The following PCLO variants were observed in gnomAD, a reference collection of about 807,000 sequenced individuals.
PCLO encodes the protein protein piccolo.
PCLO carries 82 observed loss-of-function variants against 427.5 expected under a neutral mutation model. The observed-to-expected ratio is 0.19, with a 90% CI of 0.16 to 0.23. The LOEUF (loss-of-function observed/expected upper bound fraction) is 0.23, where lower values mean the gene tolerates loss of function less well. PCLO is among the 10% of genes least tolerant of loss of function. The pLI is 1.00. For missense variants in PCLO, 6,239 were observed against 6,115.9 expected (o/e 1.02, Z -0.67); for synonymous variants, 2,357 against 2,155.4 (o/e 1.09, Z -2.59).
chr7:83,013,646 T>A (rs1343093232), intron 3 of PCLO, among the ~76,000 whole-genome samples: 1 of 152,146 alleles, frequency 6.6e-6, no homozygotes, highest in Non-Finnish European at 1.5e-5. Flanking sequence ...CCCTGAAACT[T>A]CAGTTGGGTT....
chr7:82,904,927 A>T (rs1794149103), intron 8 of PCLO, among the ~76,000 whole-genome samples: 1 of 152,072 alleles, frequency 6.6e-6, no homozygotes, highest in South Asian at 2.1e-4. Flanking sequence ...AAGCTGCCAT[A>T]ATTATGATCA....
rs368623048 is a variant in PCLO, at chr7:82,760,774, C to G, written c.15153G>C (p.Val5051=). The change falls in exon 24 of 25, where the codon GTG becomes GTC. Residue 5051 remains valine (V), a synonymous_variant. Transcript: ENST00000333891. ...TAGAAATATTCATCACATATATTTTCACATATAAATCTGAAAATAAGAATT... is the reference window on the plus strand; with the variant it reads ...TAGAAATATTCATCACATATATTTTGACATATAAATCTGAAAATAAGAATT... ...KSPDHLPDLY[V]KIYVMNISTQ... 2 of 1,446,758 alleles carry G rather than the reference C, an allele frequency of 1.4e-6. No individual in the cohort carries two copies. Among genetic ancestry groups the G allele is most frequent in the South Asian group, 2.5e-5 (2 of 81,152 alleles). The allele number at this position is 1,446,758 out of a possible 1,614,324, so 89.6% of individuals were successfully genotyped here. A position where few individuals can be genotyped will look rare whatever the true frequency, so the allele number is the denominator to read the frequency against.
rs766820629 is a variant in PCLO at position 83,154,751 on chromosome 7, C to T, written c.1890G>A (p.Thr630=). The change falls in exon 2 of 25, where the codon ACG becomes ACA. Residue 630 remains threonine, a synonymous_variant. Coordinates refer to ENST00000333891, the MANE Select transcript of PCLO (RefSeq NM_033026.6). ...LCGFNPNPHL[T]EVKEWLCLNC... ...CTCAGTGAATAAATGCACTTACCTC[C>T]GTTAAATGAGGATTGGGATTAAAAC... is the stretch of plus-strand genomic sequence containing the variant. 112 of 1,610,772 alleles carry T rather than the reference C, an allele frequency of 7.0e-5. No homozygotes were observed. Among genetic ancestry groups the T allele is most frequent in the African/African-American group, 1.7e-4 (13 of 74,828 alleles).
At chr7:82,882,673 T>C (rs2116063648) in intron 9 of PCLO, among the ~76,000 whole-genome samples, 1 of 152,222 alleles carries the variant, frequency 6.6e-6, no homozygotes, top group South Asian at 2.1e-4. Flanking sequence ...AGAAATTCAA[T>C]GATAAAAGTG....
At chr7:82,997,320 C>T (rs1272311371) in intron 3 of PCLO, among the ~76,000 whole-genome samples, 1 of 151,860 alleles carries the variant, frequency 6.6e-6, no homozygotes, top group East Asian at 1.9e-4. Context: ...CCAGACTAAA[C>T]CTAAAGCTAT....
At position 82,912,753 on chromosome 7, in the gene PCLO, A is replaced by T. The variant is rs149717761; in HGVS notation, c.13300+1933T>A. Among the ~76,000 whole-genome samples the T allele has an allele frequency of 7.3e-3, 1,116 of 152,128 alleles. 29 individuals are homozygous for T. Among genetic ancestry groups the T allele is most frequent in the East Asian group, 0.053 (274 of 5,170 alleles). Reference sequence around the variant, plus strand: ...TAAAAGGGAAATAGAATATTCTGTTATTTTTATATGGCTCTACATATATGT... The same window carrying T: ...TAAAAGGGAAATAGAATATTCTGTTTTTTTTATATGGCTCTACATATATGT... On this transcript the variant is annotated intron_variant, in intron 7 of 24. Coordinates refer to ENST00000333891, the MANE Select transcript of PCLO (RefSeq NM_033026.6).
At chr7:82,811,069 G>A (rs1472769085) in intron 20 of PCLO, among the ~76,000 whole-genome samples, 1 of 151,542 alleles carries the variant, frequency 6.6e-6, no homozygotes, top group East Asian at 1.9e-4. Flanking sequence ...AATATTCTGA[G>A]GAGTAATTTA....
intron 3 of PCLO, among the ~76,000 whole-genome samples, chr7:82,976,015 AG>A (rs1484255240): frequency 6.6e-6 from 1 of 152,202 alleles, no homozygotes; most frequent in Non-Finnish European, 1.5e-5. Context: ...TCTTCATAGC[AG>A]TGTGAAACTG....
intron 10 of PCLO, among the ~76,000 whole-genome samples, chr7:82,869,564 C>T (rs925341800): frequency 2.6e-5 from 4 of 151,956 alleles, no homozygotes; most frequent in Non-Finnish European, 5.9e-5. Flanking sequence ...AGGATGGATC[C>T]ACCTACGAAA....
rs1562962625 is a variant in PCLO at position 83,097,111 on chromosome 7, TATTATATA to T, written c.3300+37131_3300+37138del. ...ATACATTATATGAATATATATTATA[TATTATATA>T]AATATATTATACATTATACATTATA... On this transcript the variant is annotated intron_variant, in intron 3 of 24. Transcript: ENST00000333891. Among the ~76,000 whole-genome samples, 146 of 78,484 alleles carry T rather than the reference TATTATATA, an allele frequency of 1.9e-3. 17 individuals carry two copies. The highest frequency in any genetic ancestry group is 0.011 in the Middle Eastern group (2 of 186). 51.5% of individuals were successfully genotyped at this position (78,484 alleles called of 152,430 possible). A position where few individuals can be genotyped will look rare whatever the true frequency, so the allele number is the denominator to read the frequency against.
intron 22 of PCLO, among the ~76,000 whole-genome samples, chr7:82,786,797 G>A (rs1019395978): frequency 1.3e-5 from 2 of 151,892 alleles, no homozygotes; most frequent in Non-Finnish European, 2.9e-5. Context: ...GTGTACATGT[G>A]TTCTCATTGT....
At chr7:82,846,468 G>A in intron 12 of PCLO, 99 bp downstream of exon 12, 1 of 708,174 alleles carries the variant, frequency 1.4e-6, no homozygotes, top group Non-Finnish European at 2.4e-6. Flanking sequence ...CTATATCTGT[G>A]TTTATGTCTA....
intron 3 of PCLO, among the ~76,000 whole-genome samples, chr7:83,118,111 C>T (rs529418679): frequency 2.0e-5 from 3 of 152,042 alleles, no homozygotes; most frequent in East Asian, 1.9e-4. Flanking sequence ...CTATGCATTT[C>T]GAATACATAA....
chr7:82,953,015 C>T lies in PCLO; in HGVS notation c.7938G>A (p.Gln2646=), dbSNP rs1370694946. ...CTGTGACAGGGGTAGCAGAAAATGT[C>T]TGTAAAGCTCCAGAGATGTAGAAGG... The part of the protein sequence containing the change: ...EQTFYISGAL[Q]TFSATPVTAP... The change falls in exon 5 of 25, where the codon CAG becomes CAA. Residue 2646 remains glutamine (Q), a synonymous_variant. Coordinates refer to ENST00000333891, the MANE Select transcript of PCLO (RefSeq NM_033026.6). 6.2e-7 allele frequency: 1 copy of T among 1,613,882 alleles called. No individual in the cohort carries two copies. Among genetic ancestry groups the T allele is most frequent in the Admixed American group, 1.7e-5 (1 of 60,004 alleles).
At chr7:82,800,271 T>G (rs1027907252) in intron 22 of PCLO, among the ~76,000 whole-genome samples, 1 of 152,138 alleles carries the variant, frequency 6.6e-6, no homozygotes, top group Non-Finnish European at 1.5e-5. Flanking sequence ...TTTCTGAAGA[T>G]AGAGAAATTA....
chr7:82,951,021 T>C lies in PCLO; in HGVS notation c.9567A>G (p.Glu3189=), dbSNP rs750122610. 13 of 1,613,700 alleles carry C rather than the reference T, an allele frequency of 8.1e-6. No homozygotes were observed. The East Asian group carries it at 2.5e-4, about 30-fold the overall frequency. Residue 3189 remains glutamate, a synonymous_variant, in exon 6 of 25, where the codon GAA becomes GAG. Transcript: ENST00000333891. The part of the protein sequence containing the change: ...DSVPTLTTAS[E]VFPEVVGDES... ...CATCTCCCACCACTTCAGGAAACAC[T>C]TCGGATGCTGTGGTTAAAGTGGGAA...
intron 8 of PCLO, among the ~76,000 whole-genome samples, chr7:82,903,790 T>C (rs1794117361): frequency 6.6e-6 from 1 of 151,950 alleles, no homozygotes; most frequent in South Asian, 2.1e-4. Flanking sequence ...TTAAGAAGTG[T>C]GTTCCCAAAA....
chr7:82,894,680 G>A (rs553466361), intron 9 of PCLO, among the ~76,000 whole-genome samples: 104 of 152,118 alleles, frequency 6.8e-4, no homozygotes, highest in African/African-American at 2.2e-3. Context: ...GGTCGTACTT[G>A]GCTTGGGCTG....
At position 83,156,376 on chromosome 7, in the gene PCLO, T is replaced by C; in HGVS notation, c.265A>G (p.Ser89Gly). ...PSMHRKQELD[S>G]SHPPKQSGRP... ...CCTGATTGCTTTGGAGGATGACTACTATCCAACTCTTGTTTCCTAGAAGAG... is the reference window on the plus strand; with the variant it reads ...CCTGATTGCTTTGGAGGATGACTACCATCCAACTCTTGTTTCCTAGAAGAG... Residue 89 changes from serine to glycine, a missense_variant, in exon 2 of 25, where the codon AGT (serine) becomes GGT (glycine). Transcript: ENST00000333891. 1.3e-6 allele frequency: 2 copies of C among 1,556,650 alleles called. No homozygotes were observed. Among genetic ancestry groups the C allele is most frequent in the Non-Finnish European group, 8.7e-7 (1 of 1,147,468 alleles).
Sources: gnomAD v4.1 joint callset for allele counts (sites outside exome capture counted in the v4.1 genomes callset) on GRCh38, gnomAD v4.1.1 for gene constraint, MANE v1.5 for transcripts, NCBI Gene and HGNC (gene_info 2026-07-23, HGNC 2026-07-21) for gene names.